HECTD4: variants seen among roughly 807,000 people sequenced by gnomAD.
HECTD4 encodes the protein probable E3 ubiquitin-protein ligase HECTD4.
HECTD4 carries 114 observed loss-of-function variants against 471.5 expected under a neutral mutation model. That is an observed-to-expected ratio of 0.24 (90% CI 0.21 to 0.28). The LOEUF is 0.28. Ranked by LOEUF, HECTD4 falls within the 10% of genes least tolerant of loss-of-function variation. HECTD4 has a pLI of 1.00. For synonymous variants in HECTD4, 2,012 were observed against 2,256.0 expected (o/e 0.89, Z 3.07); for missense variants, 3,866 against 5,651.5 (o/e 0.68, Z 10.13).
At chr12:112,223,242 T>G (rs2033147003) in intron 44 of HECTD4, among the ~76,000 whole-genome samples, 1 of 152,118 alleles carries the variant, frequency 6.6e-6, no homozygotes, top group African/African-American at 2.4e-5. Context: ...GTAAGTACAT[T>G]AGGAAGCTGG....
chr12:112,319,659 G>A lies in HECTD4; in HGVS notation c.261C>T (p.Ala87=), dbSNP rs897084567. The stretch of plus-strand genomic sequence containing the variant: ...CATTCAGGCGGTATTCCAGCAGCCG[G>A]GCATAGGCATTGCTCTGATTCCCAC... ...SVCGNQSNAY[A]RLLEYRLNAL... Residue 87 remains alanine (A), a synonymous_variant, in exon 2 of 76, where the codon GCC becomes GCT. Coordinates refer to ENST00000682272, the MANE Select transcript of HECTD4 (RefSeq NM_001388303.1). This position sits in a 1 kb window ranked among gnomAD's most constrained non-coding sequence, Gnocchi z 5.3. The A allele has an allele frequency of 5.9e-6, 8 of 1,357,590 alleles. No individual in the cohort carries two copies. Among genetic ancestry groups the A allele is most frequent in the Non-Finnish European group, 7.6e-6 (8 of 1,058,642 alleles). The allele number at this position is 1,357,590 out of a possible 1,614,324, so 84.1% of individuals were successfully genotyped here.
At chr12:112,191,259 C>T (rs1337800699) in intron 59 of HECTD4, among the ~76,000 whole-genome samples, 1 of 152,240 alleles carries the variant, frequency 6.6e-6, no homozygotes, top group African/African-American at 2.4e-5. Context: ...TAGATACCAA[C>T]CAGAATGGGG....
At chr12:112,172,226 G>A (rs952459362) in intron 67 of HECTD4, among the ~76,000 whole-genome samples, 1 of 152,192 alleles carries the variant, frequency 6.6e-6, no homozygotes, top group Non-Finnish European at 1.5e-5. Context: ...TCTCTCTTTG[G>A]AAACACAGGG....
In HECTD4 at chr12:112,166,999, C is replaced by A; in HGVS notation, c.12534+318G>T. ...CTGAAAAAACTCTTAACCTTCACCC[C>A]TACAGCTGTTCTCCCAGTGCCTGTT... On this transcript the variant is annotated intron_variant, in intron 72 of 75. Coordinates refer to ENST00000682272, the MANE Select transcript of HECTD4 (RefSeq NM_001388303.1). This position sits in a 1 kb window ranked among gnomAD's most constrained non-coding sequence, Gnocchi z 4.6. 1 of 265,340 alleles carries A rather than the reference C, an allele frequency of 3.8e-6. No homozygotes were observed. The highest frequency in any genetic ancestry group is 7.1e-6 in the Non-Finnish European group (1 of 141,210). The allele number at this position is 265,340 out of a possible 1,614,324, so 16.4% of individuals were successfully genotyped here.
At chr12:112,338,919 G>T (rs1034051010) in intron 1 of HECTD4, among the ~76,000 whole-genome samples, 2 of 152,052 alleles carry the variant, frequency 1.3e-5, no homozygotes, top group Admixed American at 6.6e-5. Context: ...CCAAGAATAC[G>T]CCCCTATGAC....
intron 7 of HECTD4, chr12:112,302,040 CT>C: frequency 8.0e-7 from 1 of 1,251,888 alleles, no homozygotes; most frequent in Non-Finnish European, 1.2e-6. Flanking sequence ...GCGCCTTTGT[CT>C]TCCAAGTTCA....
chr12:112,216,242 C>T (rs1451049930), intron 48 of HECTD4, 50 bp downstream of exon 48: 10 of 1,290,460 alleles, frequency 7.7e-6, no homozygotes, highest in Non-Finnish European at 1.1e-5. Context: ...TAGACCCAAA[C>T]CTGAGACCAA....
chr12:112,184,469 G>A lies in HECTD4; in HGVS notation c.10497C>T (p.Gly3499=). ...AGAGGTCGCTGACGGTTTGGGAGAT[G>A]CCCTGCGAGCTGCAGATGGAGGCCT... ...TSQASICSSQ[G]ISQTVSDLSV... Residue 3499 remains glycine, a synonymous_variant, in exon 61 of 76, where the codon GGC becomes GGT. Coordinates refer to ENST00000682272, the MANE Select transcript of HECTD4 (RefSeq NM_001388303.1). The surrounding 1 kb of genome is among the most constrained non-coding windows in gnomAD (Gnocchi z 9.1). 1.2e-6 allele frequency: 2 copies of A among 1,606,270 alleles called. No individual in the cohort carries two copies. The highest frequency in any genetic ancestry group is 1.7e-6 in the Non-Finnish European group (2 of 1,177,168).
intron 54 of HECTD4, chr12:112,203,430 T>C (rs1475142098): frequency 1.5e-5 from 7 of 457,144 alleles, no homozygotes; most frequent in Non-Finnish European, 2.7e-5. Flanking sequence ...CTGGAGAGCC[T>C]ACCATCTACT....
At chr12:112,214,717 C>G (rs1003364533) in intron 48 of HECTD4, among the ~76,000 whole-genome samples, 1 of 152,220 alleles carries the variant, frequency 6.6e-6, no homozygotes, top group Non-Finnish European at 1.5e-5. Context: ...CACCCCCTGA[C>G]ATACACCCTT....
At chr12:112,261,617 G>T in intron 17 of HECTD4, 188 bp from the exon 18 acceptor site, 3 of 529,894 alleles carry the variant, frequency 5.7e-6, no homozygotes, top group Admixed American at 3.3e-5. Flanking sequence ...GCAGTAAATG[G>T]CAAGTAGCAA....
At chr12:112,217,302 C>CACACACACACAGGCAT in intron 45 of HECTD4, 107 bp from the exon 46 acceptor site, 1 of 421,452 alleles carries the variant, frequency 2.4e-6, no homozygotes. Context: ...TATAGGCATA[C>CACACACACACAGGCAT]ACACACACAC....
intron 1 of HECTD4, among the ~76,000 whole-genome samples, chr12:112,336,238 A>C (rs1438272350): frequency 6.6e-6 from 1 of 152,184 alleles, no homozygotes; most frequent in Admixed American, 6.5e-5. Flanking sequence ...AGTTTAAAAA[A>C]CATGGCCGGG....
intron 1 of HECTD4, among the ~76,000 whole-genome samples, chr12:112,367,311 AAAG>A (rs869237594): frequency 1.3e-3 from 6 of 4,624 alleles, no homozygotes; most frequent in Non-Finnish European, 3.7e-3. Context: ...AAAAAAAAAG[AAAG>A]AAAGAAAGAA....
At chr12:112,299,623 AAAACAAACAAACAAAC>A (rs10699631) in intron 7 of HECTD4, among the ~76,000 whole-genome samples, 2 of 151,406 alleles carry the variant, frequency 1.3e-5, no homozygotes, top group African/African-American at 4.9e-5. Flanking sequence ...TCTGTCTCAA[AAAACAAACAAACAAAC>A]AAACAAACAA....
intron 1 of HECTD4, among the ~76,000 whole-genome samples, chr12:112,369,340 C>CT (rs763174549): frequency 0.021 from 2,777 of 129,222 alleles, 46 homozygotes; most frequent in Middle Eastern, 0.049. Context: ...CCTAGGATTT[C>CT]TTTTTTTTTT....
intron 1 of HECTD4, among the ~76,000 whole-genome samples, chr12:112,366,513 T>G (rs1048062348): frequency 6.6e-6 from 1 of 151,964 alleles, no homozygotes; most frequent in African/African-American, 2.4e-5. Context: ...AGTGAGACCG[T>G]GTCTCTTAAA....
chr12:112,236,514 G>A (rs2135572830), intron 35 of HECTD4, among the ~76,000 whole-genome samples: 1 of 152,294 alleles, frequency 6.6e-6, no homozygotes, highest in South Asian at 2.1e-4. Flanking sequence ...TATTTTATGG[G>A]CCTCGTGGCT....
intron 2 of HECTD4, among the ~76,000 whole-genome samples, chr12:112,318,625 C>A (rs1428284700): frequency 1.3e-5 from 2 of 152,202 alleles, no homozygotes; most frequent in East Asian, 3.8e-4. Flanking sequence ...CTGCCCACCT[C>A]AGCCTCCCAA....
Sources: allele counts gnomAD v4.1 joint callset (sites outside exome capture counted in the v4.1 genomes callset), GRCh38; gene constraint gnomAD v4.1.1; non-coding constraint Gnocchi (gnomAD v3.1); transcripts MANE v1.5; gene names NCBI Gene and HGNC (gene_info 2026-07-23, HGNC 2026-07-21).